TASP1: variants seen among roughly 807,000 people sequenced by gnomAD.
The protein encoded by TASP1 is taspase 1.
A neutral mutation model predicts 56.6 loss-of-function variants in TASP1; 16 were observed. The observed-to-expected ratio is 0.28, with a 90% CI of 0.19 to 0.43. The LOEUF (loss-of-function observed/expected upper bound fraction) is 0.43, where lower values mean the gene tolerates loss of function less well. TASP1 is among the 20% of genes least tolerant of loss of function. The pLI, the probability that TASP1 is intolerant of heterozygous loss-of-function variation, is 1.00. For missense variants in TASP1, 393 were observed against 511.6 expected (o/e 0.77, Z 2.24); for synonymous variants, 179 against 184.2 (o/e 0.97, Z 0.23).
At chr20:13,174,874 G>T in the TASP1 span, among the ~76,000 whole-genome samples, 1 of 152,120 alleles carries the variant, frequency 6.6e-6, no homozygotes, top group Non-Finnish European at 1.5e-5. Context: ...GCAGGGTCAG[G>T]TGGAGATAAT....
chr20:13,427,219 C>G (rs2042646769), intron 12 of TASP1, among the ~76,000 whole-genome samples: 1 of 152,186 alleles, frequency 6.6e-6, no homozygotes, highest in African/African-American at 2.4e-5. Context: ...GGAATTTTAA[C>G]TTACAGTAAA....
intron 13 of TASP1, among the ~76,000 whole-genome samples, chr20:13,394,102 GA>G: frequency 6.6e-6 from 1 of 151,562 alleles, no homozygotes; most frequent in South Asian, 2.1e-4. Context: ...CCAACAGGGC[GA>G]AACCCCACCT....
chr20:13,412,966 C>G (rs758856574), intron 13 of TASP1, among the ~76,000 whole-genome samples: 2 of 152,074 alleles, frequency 1.3e-5, no homozygotes, highest in Non-Finnish European at 2.9e-5. Flanking sequence ...ATTTCTTATT[C>G]TCATATTACA....
chr20:13,623,975 C>T (rs1274233300), intron 3 of TASP1, among the ~76,000 whole-genome samples: 1 of 152,106 alleles, frequency 6.6e-6, no homozygotes, highest in Non-Finnish European at 1.5e-5. Flanking sequence ...AGGATAAAAG[C>T]ATACATTTGA....
At chr20:13,581,247 T>C (rs1174524070) in intron 5 of TASP1, among the ~76,000 whole-genome samples, 3 of 152,192 alleles carry the variant, frequency 2.0e-5, no homozygotes, top group Admixed American at 6.5e-5. Context: ...AAGGCTGAAT[T>C]GAAATACTAC....
chr20:13,252,193 C>T, the TASP1 span, among the ~76,000 whole-genome samples: 8 of 152,136 alleles, frequency 5.3e-5, no homozygotes, highest in Admixed American at 6.5e-5. Flanking sequence ...GGAAGAGCAA[C>T]GAGCAAGTGC....
At chr20:13,108,513 C>T in the TASP1 span, among the ~76,000 whole-genome samples, 5 of 152,188 alleles carry the variant, frequency 3.3e-5, no homozygotes, top group Non-Finnish European at 5.9e-5. Context: ...AATGCACATA[C>T]GCTTCTTGAG....
At chr20:13,486,965 G>A (rs1464798736) in intron 10 of TASP1, among the ~76,000 whole-genome samples, 1 of 152,114 alleles carries the variant, frequency 6.6e-6, no homozygotes, top group Non-Finnish European at 1.5e-5. Flanking sequence ...CTTCAACAAT[G>A]TACTGGAGAT....
the TASP1 span, among the ~76,000 whole-genome samples, chr20:13,273,276 C>T: frequency 1.5e-5 from 1 of 68,408 alleles, no homozygotes; most frequent in Admixed American, 1.5e-4. Flanking sequence ...TCTTTGTCAC[C>T]TATGCTACGG....
the TASP1 span, among the ~76,000 whole-genome samples, chr20:13,305,403 C>G: frequency 6.6e-6 from 1 of 152,092 alleles, no homozygotes. Flanking sequence ...GATCAAAACC[C>G]CTGTGAGTGT....
chr20:13,405,519 T>A (rs2041882396), intron 13 of TASP1, among the ~76,000 whole-genome samples: 1 of 152,152 alleles, frequency 6.6e-6, no homozygotes, highest in African/African-American at 2.4e-5. Context: ...GCCCTCCACA[T>A]TGAATAAAAT....
At chr20:13,109,252 C>T in the TASP1 span, among the ~76,000 whole-genome samples, 6,448 of 152,256 alleles carry the variant, frequency 0.042, 169 homozygotes, top group South Asian at 0.078. Flanking sequence ...GCCAGACATT[C>T]ATCCTCCCTT....
the TASP1 span, among the ~76,000 whole-genome samples, chr20:13,382,603 G>A: frequency 7.9e-5 from 12 of 152,296 alleles, no homozygotes; most frequent in African/African-American, 2.9e-4. Context: ...CCATGATCGT[G>A]CCACTGTGCT....
chr20:13,241,064 T>C, the TASP1 span, among the ~76,000 whole-genome samples: 2 of 152,012 alleles, frequency 1.3e-5, no homozygotes, highest in Non-Finnish European at 2.9e-5. Context: ...GAAGAATGCC[T>C]TAAGGAGAGA....
At chr20:13,498,720 C>T (rs979010734) in intron 10 of TASP1, among the ~76,000 whole-genome samples, 5 of 149,966 alleles carry the variant, frequency 3.3e-5, no homozygotes, top group Admixed American at 1.3e-4. Flanking sequence ...AACATCGCTA[C>T]TGATCAGAGA....
At chr20:13,197,959 T>G in the TASP1 span, among the ~76,000 whole-genome samples, 1 of 152,228 alleles carries the variant, frequency 6.6e-6, no homozygotes, top group Non-Finnish European at 1.5e-5. Flanking sequence ...ATGTATATAC[T>G]ATAATAATTA....
chr20:13,617,079 A>G (rs2048549421), intron 4 of TASP1: 1 of 455,744 alleles, frequency 2.2e-6, no homozygotes, highest in Non-Finnish European at 4.4e-6. Context: ...GGACATGGAT[A>G]CTTGGCTGGA....
the TASP1 span, among the ~76,000 whole-genome samples, chr20:13,157,047 T>C: frequency 6.6e-6 from 1 of 152,184 alleles, no homozygotes; most frequent in African/African-American, 2.4e-5. Flanking sequence ...ACTAAATATA[T>C]GCTAAGTAAG....
At chr20:13,429,822 T>G (rs1568788626) in intron 12 of TASP1, among the ~76,000 whole-genome samples, 2 of 152,174 alleles carry the variant, frequency 1.3e-5, no homozygotes, top group Non-Finnish European at 2.9e-5. Flanking sequence ...TTGAACAGTG[T>G]CCTTCTGATC....
Sources: gnomAD v4.1 joint callset for allele counts (sites outside exome capture counted in the v4.1 genomes callset) on GRCh38, gnomAD v4.1.1 for gene constraint, MANE v1.5 for transcripts, NCBI Gene and HGNC (gene_info 2026-07-23, HGNC 2026-07-21) for gene names.